The following GEMIN7 variants were observed in gnomAD, a reference collection of about 807,000 sequenced individuals.
The protein encoded by GEMIN7 is gem-associated protein 7.
Under a neutral mutation model 7.8 loss-of-function variants are expected in GEMIN7, and 7 were observed. That is an observed-to-expected ratio of 0.90 (90% confidence interval 0.51 to 1.69). GEMIN7 has a LOEUF of 1.69. GEMIN7 is among the 40% of genes most tolerant of loss of function. The pLI is 0.00. For missense variants in GEMIN7, 159 were observed against 176.2 expected (o/e 0.90, Z 0.55); for synonymous variants, 68 against 72.4 (o/e 0.94, Z 0.31).
At chr19:45,089,138 C>T (rs1423558471) in intron 2 of GEMIN7, among the ~76,000 whole-genome samples, 6 of 151,904 alleles carry the variant, frequency 3.9e-5, no homozygotes, top group South Asian at 2.1e-4. Flanking sequence ...GGCGGGGTTT[C>T]GCCATGTTGA....
Position 45,091,203 on chromosome 19 carries a change from T to G in GEMIN7, c.*693T>G, listed in dbSNP as rs949923786. On this transcript the variant is annotated 3_prime_UTR_variant, in exon 3 of 3. Transcript: ENST00000270257. The stretch of plus-strand genomic sequence containing the variant: ...AGCGCTCCTCCTGTTGCCCCACCTG[T>G]GGTTGCTGTGGACTGCACACGACAG... The G allele has an allele frequency of 1.2e-5, 2 of 167,206 alleles. No homozygotes were observed. The highest frequency in any genetic ancestry group is 1.9e-4 in the East Asian group (1 of 5,200). 10.4% of individuals were successfully genotyped at this position (167,206 alleles called of 1,614,324 possible).
chr19:45,081,127 C>G (rs10427100), intron 2 of GEMIN7, among the ~76,000 whole-genome samples: 82,755 of 152,002 alleles, frequency 0.54, 23,135 homozygotes, highest in African/African-American at 0.63. Flanking sequence ...TACAGCGAGA[C>G]CTCACCTCAA....
chr19:45,090,946 T>G lies in GEMIN7; in HGVS notation c.*436T>G. The G allele has an allele frequency of 5.5e-6, 1 of 182,358 alleles. No homozygotes were observed. Among genetic ancestry groups the G allele is most frequent in the South Asian group, 1.3e-4 (1 of 7,710 alleles). 11.3% of individuals were successfully genotyped at this position (182,358 alleles called of 1,614,324 possible). ...CGACTCCTGTTTTTCTTTAATTAAC[T>G]ATACCGACGGGGATGGAGTCATCTT... On this transcript the variant is annotated 3_prime_UTR_variant, in exon 3 of 3. Transcript: ENST00000270257.
chr19:45,084,032 G>GT (rs1376343680), intron 2 of GEMIN7, among the ~76,000 whole-genome samples: 6 of 151,898 alleles, frequency 4.0e-5, no homozygotes, highest in Non-Finnish European at 8.8e-5. Flanking sequence ...CCAACATGGG[G>GT]AAACCCCGTC....
At chr19:45,077,786 TCAAAGGAGGTAGG>T (rs1477101916), upstream of GEMIN7, among the ~76,000 whole-genome samples, 1 of 152,042 alleles carries the variant, frequency 6.6e-6, no homozygotes, top group Non-Finnish European at 1.5e-5. Context: ...TCTCCATCTG[TCAAAGGAGGTAGG>T]GCAGGTTGGA....
chr19:45,080,494 G>A (rs938203970), intron 2 of GEMIN7, among the ~76,000 whole-genome samples: 2 of 151,558 alleles, frequency 1.3e-5, no homozygotes, highest in African/African-American at 4.9e-5. Flanking sequence ...TCCTGCCTCA[G>A]CCTCCTGCGT....
intron 2 of GEMIN7, among the ~76,000 whole-genome samples, chr19:45,087,984 C>T (rs1247062621): frequency 2.7e-5 from 3 of 109,146 alleles, no homozygotes; most frequent in Admixed American, 1.1e-4. Context: ...CTTGCTCTGT[C>T]GCCCAGGCTG....
At chr19:45,079,483 G>A (rs1967426321) in intron 1 of GEMIN7, 106 bp downstream of exon 1, 1 of 152,264 alleles carries the variant, frequency 6.6e-6, no homozygotes, top group Non-Finnish European at 1.5e-5. Flanking sequence ...GCCCCACGCG[G>A]GTGGGGTGAG....
chr19:45,086,821 TCTCCA>T (rs1322023486), intron 2 of GEMIN7, among the ~76,000 whole-genome samples: 1 of 150,662 alleles, frequency 6.6e-6, no homozygotes, highest in East Asian at 1.9e-4. Context: ...CGGCCTGGGA[TCTCCA>T]CTCTTCATTC....
At chr19:45,083,315 C>T (rs549362906) in intron 2 of GEMIN7, among the ~76,000 whole-genome samples, 31 of 152,014 alleles carry the variant, frequency 2.0e-4, no homozygotes, top group African/African-American at 7.0e-4. Context: ...GGCATGGTGG[C>T]GCGCACCTGT....
chr19:45,086,329 T>G (rs1967686511), intron 2 of GEMIN7, among the ~76,000 whole-genome samples: 1 of 152,064 alleles, frequency 6.6e-6, no homozygotes, highest in Non-Finnish European at 1.5e-5. Flanking sequence ...CCCCAGGGTC[T>G]TGGGTACCCA....
At position 45,091,363 on chromosome 19, in the gene GEMIN7, GT is replaced by G. The variant is rs990105566; in HGVS notation, c.*855del. 4.2e-5 allele frequency: 7 copies of G among 167,162 alleles called. No individual in the cohort carries two copies. In the Admixed American group the frequency reaches 4.6e-4, roughly 11 times the overall value. 10.4% of individuals were successfully genotyped at this position (167,162 alleles called of 1,614,324 possible). On this transcript the variant is annotated 3_prime_UTR_variant, in exon 3 of 3. Transcript: ENST00000270257. ...TTCTCTCCAGCCTTGCAGCGTGGCC[GT>G]TCACATCACGCGCTTCACTAAGCCT... is the stretch of plus-strand genomic sequence containing the variant.
intron 2 of GEMIN7, chr19:45,088,481 A>G (rs1600144625): frequency 6.6e-6 from 1 of 151,808 alleles, no homozygotes; most frequent in Non-Finnish European, 1.5e-5. Context: ...GTACATTGTC[A>G]AGCCTGGCTA....
Position 45,090,199 on chromosome 19 carries a change from G to A in GEMIN7, c.85G>A (p.Gly29Arg). Residue 29 changes from glycine to arginine, a missense_variant, in exon 3 of 3, where the codon GGA becomes AGA. Physicochemically the swap from Gly to Arg is moderately radical, Grantham distance 125. Coordinates refer to ENST00000270257, the MANE Select transcript of GEMIN7 (RefSeq NM_024707.3). ...CTTCAGCCGTGGCTTTGCCCCTGAT[G>A]GACGCAGAGCCCCCTTGAGGCCAGA... is the stretch of plus-strand genomic sequence containing the variant. ...DGFSRGFAPDGRRAPLRPEVP... is the reference protein window; with the variant it reads ...DGFSRGFAPDRRRAPLRPEVP... 3 of 1,614,184 alleles carry A rather than the reference G, an allele frequency of 1.9e-6. No individual in the cohort carries two copies. Among genetic ancestry groups the A allele is most frequent in the African/African-American group, 1.3e-5 (1 of 75,072 alleles).
intron 2 of GEMIN7, among the ~76,000 whole-genome samples, chr19:45,081,948 T>C (rs779993213): frequency 5.3e-5 from 8 of 152,128 alleles, no homozygotes; most frequent in Non-Finnish European, 1.2e-4. Flanking sequence ...TAGCCTAATC[T>C]GACCACTTCT....
Position 45,080,437 on chromosome 19 carries a change from G to A in GEMIN7, c.-9+408G>A, listed in dbSNP as rs147039111. ...GTGGCCCAGGCTGGGGTGCAGAGGC[G>A]TGATCTCCGCTCACTGCAACCTCCG... is the stretch of plus-strand genomic sequence containing the variant. On this transcript the variant is annotated intron_variant, in intron 2 of 2. Coordinates refer to ENST00000270257, the MANE Select transcript of GEMIN7 (RefSeq NM_024707.3). 6.6e-5 allele frequency among the ~76,000 whole-genome samples: 10 copies of A among 150,892 alleles called. No individual in the cohort carries two copies. The East Asian group carries it at 9.7e-4, about 15-fold the overall frequency.
upstream of GEMIN7, chr19:45,079,092 C>A (rs1967414150): frequency 1.3e-5 from 2 of 152,258 alleles, no homozygotes; most frequent in Admixed American, 1.3e-4. Context: ...GTCCCAAGTG[C>A]CCCGCAAAGC....
At chr19:45,076,591 C>T (rs1967361162), upstream of GEMIN7, 1 of 343,762 alleles carries the variant, frequency 2.9e-6, no homozygotes, top group East Asian at 4.5e-5. This position sits in a 1 kb window ranked among gnomAD's most constrained non-coding sequence, Gnocchi z 4.9. Context: ...TGACGGCGGC[C>T]TAACTCAATC....
chr19:45,079,588 C>A (rs1967429404), intron 1 of GEMIN7, among the ~76,000 whole-genome samples: 1 of 152,244 alleles, frequency 6.6e-6, no homozygotes, highest in African/African-American at 2.4e-5. Context: ...TTACCTGGAG[C>A]GGAATCGCTC....
Sources: allele counts gnomAD v4.1 joint callset (sites outside exome capture counted in the v4.1 genomes callset), GRCh38; gene constraint gnomAD v4.1.1; non-coding constraint Gnocchi (gnomAD v3.1); transcripts MANE v1.5; gene names NCBI Gene and HGNC (gene_info 2026-07-23, HGNC 2026-07-21).